The following CACNA1H variants were observed in gnomAD, a reference collection of about 807,000 sequenced individuals.
CACNA1H encodes the protein calcium voltage-gated channel subunit alpha1 H, also known as voltage-dependent T-type calcium channel subunit alpha-1H.
Under a neutral mutation model 192.5 loss-of-function variants are expected in CACNA1H, and 149 were observed. That is an observed-to-expected ratio of 0.77 (90% CI 0.68 to 0.89). CACNA1H has a LOEUF of 0.89. CACNA1H is among the 40% of genes least tolerant of loss of function. CACNA1H has a pLI of 0.00. For synonymous variants in CACNA1H, 2,202 were observed against 1,475.2 expected (o/e 1.49, Z -11.29); for missense variants, 4,257 against 3,423.5 (o/e 1.24, Z -6.08).
At chr16:1,186,484 C>T (rs1966073387) in intron 2 of CACNA1H, among the ~76,000 whole-genome samples, 1 of 152,100 alleles carries the variant, frequency 6.6e-6, no homozygotes. Flanking sequence ...GGACTCTGCC[C>T]ACGTCCTGAG....
chr16:1,185,160 C>T (rs917332064), intron 2 of CACNA1H, among the ~76,000 whole-genome samples: 12 of 152,188 alleles, frequency 7.9e-5, no homozygotes, highest in Admixed American at 2.6e-4. Flanking sequence ...CCCGGGTTCA[C>T]CTGTGTTGTG....
intron 2 of CACNA1H, among the ~76,000 whole-genome samples, chr16:1,158,782 G>T (rs934400368): frequency 7.2e-5 from 11 of 151,858 alleles, no homozygotes; most frequent in African/African-American, 2.7e-4. Flanking sequence ...TTCCACAACC[G>T]CTCCTGCCCC....
chr16:1,204,910 GGGGCCC>G (rs1968481844), intron 10 of CACNA1H, among the ~76,000 whole-genome samples, 198 bp from the exon 11 acceptor site: 2 of 32,138 alleles, frequency 6.2e-5, no homozygotes, highest in Non-Finnish European at 1.3e-4. Flanking sequence ...AGCCGCGGGT[GGGGCCC>G]CAGATCAGTG....
chr16:1,155,600 A>G (rs4307951), intron 2 of CACNA1H, among the ~76,000 whole-genome samples: 152,205 of 152,238 alleles, frequency 1, 76,086 homozygotes, highest in Middle Eastern at 1. Flanking sequence ...GAGTTGAGCA[A>G]GCCTGGACTC....
chr16:1,210,227 G>A lies in CACNA1H; in HGVS notation c.3845+92G>A, dbSNP rs1267673626. The A allele has an allele frequency of 7.0e-6, 9 of 1,278,536 alleles. No homozygotes were observed. In the Admixed American group the frequency reaches 8.1e-5, roughly 11 times the overall value. 79.2% of individuals were successfully genotyped at this position (1,278,536 alleles called of 1,614,324 possible). A position where few individuals can be genotyped will look rare whatever the true frequency, so the allele number is the denominator to read the frequency against. On this transcript the variant is annotated intron_variant, in intron 18 of 34. Transcript: ENST00000348261. The stretch of plus-strand genomic sequence containing the variant: ...CTCCTGGGTGGGGCTAGCACATGGT[G>A]GATATTTCCGAGTGGGCACCCCTTC...
intron 2 of CACNA1H, 24 bp downstream of exon 2, chr16:1,154,060 GC>G: frequency 1.1e-6 from 1 of 934,540 alleles, no homozygotes; most frequent in Non-Finnish European, 1.4e-6. Context: ...CCGGCGGGGG[GC>G]GGGGGGCGGG....
intron 2 of CACNA1H, chr16:1,158,121 G>A (rs1043541942): frequency 2.0e-5 from 3 of 152,314 alleles, no homozygotes; most frequent in Admixed American, 2.0e-4. Flanking sequence ...GGTTCCCACT[G>A]AGCCCTACGG....
chr16:1,192,294 C>T (rs993095848), intron 2 of CACNA1H, among the ~76,000 whole-genome samples: 1 of 152,234 alleles, frequency 6.6e-6, no homozygotes, highest in Non-Finnish European at 1.5e-5. Context: ...GCCTGGGGAC[C>T]CCTAGTCAGC....
chr16:1,209,398 G>A lies in CACNA1H; in HGVS notation c.3730G>A (p.Asp1244Asn), dbSNP rs372126787. 40 of 1,597,646 alleles carry A rather than the reference G, an allele frequency of 2.5e-5. No homozygotes were observed. The highest frequency in any genetic ancestry group is 2.5e-4 in the East Asian group (11 of 44,862). The stretch of plus-strand genomic sequence containing the variant: ...CCGTGAGGATGCAGCCGAGCTTGAC[G>A]ACGACTCGGAGGACGTGAGTGCGTG... Reference protein sequence around the residue: ...SHREDAAELDDDSEDSCCLRL... With the variant: ...SHREDAAELDNDSEDSCCLRL... The change falls in exon 17 of 35, where the codon GAC (aspartate) becomes AAC (asparagine). Residue 1244 changes from aspartate to asparagine, a missense_variant. By Grantham distance (23) the Asp-to-Asn change is conservative. Transcript: ENST00000348261.
At chr16:1,155,075 C>A (rs1005367391) in intron 2 of CACNA1H, among the ~76,000 whole-genome samples, 1 of 152,226 alleles carries the variant, frequency 6.6e-6, no homozygotes, top group Non-Finnish European at 1.5e-5. Flanking sequence ...GTGTACACTT[C>A]CCTACCTTGT....
chr16:1,175,188 C>T (rs990363270), intron 2 of CACNA1H, among the ~76,000 whole-genome samples: 4 of 152,156 alleles, frequency 2.6e-5, no homozygotes, highest in African/African-American at 7.2e-5. Flanking sequence ...CCCCACGTGA[C>T]GTGAGGCCCT....
intron 2 of CACNA1H, among the ~76,000 whole-genome samples, chr16:1,191,521 G>A (rs1183435461): frequency 1.9e-5 from 1 of 52,082 alleles, no homozygotes; most frequent in Non-Finnish European, 3.6e-5. Context: ...CCAGTAGGCT[G>A]GCCTGGCTGT....
chr16:1,206,299 A>G lies in CACNA1H; in HGVS notation c.2789+10A>G, dbSNP rs535085854. 2.9e-5 allele frequency: 45 copies of G among 1,548,412 alleles called. No individual in the cohort carries two copies. In the East Asian group the frequency reaches 9.8e-4, roughly 34 times the overall value. ...TCATTTTCATCTTCAGGTGGGCGCAACCCCCCTCCCGGCCCGCCCAGTGTC... is the reference window on the plus strand; with the variant it reads ...TCATTTTCATCTTCAGGTGGGCGCAGCCCCCCTCCCGGCCCGCCCAGTGTC... On this transcript the variant is annotated intron_variant, in intron 12 of 34. Transcript: ENST00000348261.
intron 2 of CACNA1H, among the ~76,000 whole-genome samples, chr16:1,156,096 A>T (rs1962336094): frequency 6.6e-6 from 1 of 152,036 alleles, no homozygotes; most frequent in Non-Finnish European, 1.5e-5. Flanking sequence ...CTGCCCTTCG[A>T]TGGCATCCCT....
At chr16:1,158,995 C>A (rs944680236) in intron 2 of CACNA1H, among the ~76,000 whole-genome samples, 4 of 152,222 alleles carry the variant, frequency 2.6e-5, no homozygotes, top group Admixed American at 6.5e-5. Flanking sequence ...GATCCTTCAT[C>A]GCTGGGATCG....
In CACNA1H at chr16:1,210,978, G is replaced by T. The variant is rs1212813321; in HGVS notation, c.4223+7G>T. 1 of 1,591,676 alleles carries T rather than the reference G, an allele frequency of 6.3e-7. No homozygotes were observed. The highest frequency in any genetic ancestry group is 1.7e-5 in the Admixed American group (1 of 59,826). On this transcript the variant is annotated splice_region_variant and intron_variant, in intron 21 of 34. Transcript: ENST00000348261. ...GGACCCTGCGGCCTCTGAGGTGGGG[G>T]GCTCCCCGTGGGCTCCCGGGGCAAC...
intron 2 of CACNA1H, among the ~76,000 whole-genome samples, chr16:1,173,703 G>A (rs1444205161): frequency 6.6e-6 from 1 of 152,270 alleles, no homozygotes; most frequent in Non-Finnish European, 1.5e-5. Context: ...GGGAAGGAGG[G>A]TGGGGCTCCC....
rs1329335980 is a variant in CACNA1H, at chr16:1,168,769, G to GC, written c.299+14739dup. 3.3e-5 allele frequency among the ~76,000 whole-genome samples: 5 copies of GC among 152,176 alleles called. No individual in the cohort carries two copies. In the East Asian group the frequency reaches 5.8e-4, roughly 18 times the overall value. ...TGCCTTGTCCTAGGGGGATCATGGC[G>GC]CCCCCCAGCCTTGCCCTCCAGGCCT... On this transcript the variant is annotated intron_variant, in intron 2 of 34. Transcript: ENST00000348261.
At position 1,221,415 on chromosome 16, in the gene CACNA1H, A is replaced by G. The variant is rs920137495; in HGVS notation, c.*421A>G. ...CGGCAGGTTGCAGCCACCGCGGCCC[A>G]ATGTCACCTTCACTCACAGTCTGAG... On this transcript the variant is annotated 3_prime_UTR_variant, in exon 35 of 35. Transcript: ENST00000348261. 6.6e-6 allele frequency: 2 copies of G among 302,904 alleles called. No individual in the cohort carries two copies. Among genetic ancestry groups the G allele is most frequent in the Non-Finnish European group, 1.2e-5 (2 of 163,972 alleles). The allele number at this position is 302,904 out of a possible 1,614,324, so 18.8% of individuals were successfully genotyped here.
Sources: allele counts gnomAD v4.1 joint callset (sites outside exome capture counted in the v4.1 genomes callset), GRCh38; gene constraint gnomAD v4.1.1; transcripts MANE v1.5; gene names NCBI Gene and HGNC (gene_info 2026-07-23, HGNC 2026-07-21).